The following HIP1 variants were observed in gnomAD, a reference collection of about 807,000 sequenced individuals.
HIP1 encodes the protein huntingtin interacting protein 1, also known as huntingtin-interacting protein 1.
Under a neutral mutation model 147.6 loss-of-function variants are expected in HIP1, and 65 were observed. The observed-to-expected ratio is 0.44, with a 90% confidence interval of 0.36 to 0.54. The LOEUF (loss-of-function observed/expected upper bound fraction) is 0.54, where lower values mean the gene tolerates loss of function less well. HIP1 is among the 20% of genes least tolerant of loss of function. The pLI, the probability that HIP1 is intolerant of heterozygous loss-of-function variation, is 0.00. For synonymous variants in HIP1, 479 were observed against 504.0 expected, an observed-to-expected ratio of 0.95 and a Z score of 0.67; for missense variants, 1,061 against 1,299.6, an observed-to-expected ratio of 0.82 and a Z score of 2.82.
At position 75,568,046 on chromosome 7, in the gene HIP1, C is replaced by T. The variant is rs1408794687; in HGVS notation, c.803+153G>A. Among the ~76,000 whole-genome samples, 2 of 152,008 alleles carry T rather than the reference C, an allele frequency of 1.3e-5. No homozygotes were observed. The highest frequency in any genetic ancestry group is 2.9e-5 in the Non-Finnish European group (2 of 68,000). The stretch of plus-strand genomic sequence containing the variant: ...GCCCAGCCTGGTGTCAAACTCTTGG[C>T]CTCAAGTGATCCTCCCGCCTCAGCC... On this transcript the variant is annotated intron_variant, in intron 9 of 30. Coordinates refer to ENST00000336926, the MANE Select transcript of HIP1 (RefSeq NM_005338.7). The surrounding 1 kb of genome is among the most constrained non-coding windows in gnomAD (Gnocchi z 4.1).
In HIP1 at chr7:75,548,877, C is replaced by T; in HGVS notation, c.2406+14G>A. On this transcript the variant is annotated intron_variant, in intron 23 of 30. Coordinates refer to ENST00000336926, the MANE Select transcript of HIP1 (RefSeq NM_005338.7). ...AAAGGCATCGTTTCAGGAGATCCTG[C>T]AGGAACCTCCTACCTCTATTCTGGC... 6.4e-7 allele frequency: 1 copy of T among 1,572,660 alleles called. No homozygotes were observed. Among genetic ancestry groups the T allele is most frequent in the Non-Finnish European group, 8.8e-7 (1 of 1,142,100 alleles).
rs781882949 is a variant in HIP1, at chr7:75,548,872, T to C, written c.2406+19A>G. The C allele has an allele frequency of 1.9e-6, 3 of 1,557,438 alleles. No homozygotes were observed. The highest frequency in any genetic ancestry group is 3.3e-5 in the Admixed American group (2 of 59,900). On this transcript the variant is annotated intron_variant, in intron 23 of 30. Coordinates refer to ENST00000336926, the MANE Select transcript of HIP1 (RefSeq NM_005338.7). ...GCTGCAAAGGCATCGTTTCAGGAGATCCTGCAGGAACCTCCTACCTCTATT... is the reference window on the plus strand; with the variant it reads ...GCTGCAAAGGCATCGTTTCAGGAGACCCTGCAGGAACCTCCTACCTCTATT...
chr7:75,603,902 A>T (rs782693170), intron 1 of HIP1, among the ~76,000 whole-genome samples: 3 of 151,762 alleles, frequency 2.0e-5, no homozygotes, highest in Non-Finnish European at 4.4e-5. Context: ...AAAAGATGCA[A>T]GTAAGAAGTG....
At chr7:75,602,495 T>G (rs1399049649) in intron 1 of HIP1, among the ~76,000 whole-genome samples, 1 of 20,090 alleles carries the variant, frequency 5.0e-5, no homozygotes, top group Non-Finnish European at 9.1e-5. Flanking sequence ...AGATATGCTC[T>G]TTTTTTTTTT....
At chr7:75,619,466 C>T (rs1797770635) in intron 1 of HIP1, among the ~76,000 whole-genome samples, 1 of 142,446 alleles carries the variant, frequency 7.0e-6, no homozygotes, top group Non-Finnish European at 1.5e-5. Flanking sequence ...GCAGAGGTTG[C>T]AGTGAGCCGA....
intron 18 of HIP1, 77 bp from the exon 19 acceptor site, chr7:75,555,628 C>G (rs184838549): frequency 1.3e-6 from 2 of 1,493,586 alleles, no homozygotes; most frequent in African/African-American, 1.4e-5. Flanking sequence ...GGCTGGGGCT[C>G]TTAGCATCTT....
chr7:75,615,578 TC>T (rs1797626009), intron 1 of HIP1, among the ~76,000 whole-genome samples: 1 of 151,972 alleles, frequency 6.6e-6, no homozygotes, highest in Non-Finnish European at 1.5e-5. Flanking sequence ...GTGGATCTTG[TC>T]CTCAAAGGGA....
In HIP1 at chr7:75,652,340, G is replaced by A. The variant is rs556718900; in HGVS notation, c.121-53093C>T. The stretch of plus-strand genomic sequence containing the variant: ...AAAAAAAAAAAAAAAACCACTATAT[G>A]TATGTTAATTTTTTCATTGTTTTAA... On this transcript the variant is annotated intron_variant, in intron 1 of 30. Coordinates refer to ENST00000336926, the MANE Select transcript of HIP1 (RefSeq NM_005338.7). Among the ~76,000 whole-genome samples, 3 of 150,030 alleles carry A rather than the reference G, an allele frequency of 2.0e-5. No homozygotes were observed. The East Asian group carries it at 5.9e-4, about 29-fold the overall frequency.
chr7:75,645,042 C>G (rs1442002030), intron 1 of HIP1, among the ~76,000 whole-genome samples: 1 of 152,138 alleles, frequency 6.6e-6, no homozygotes, highest in African/African-American at 2.4e-5. Context: ...TTCAGGACAC[C>G]TGAAAGGTGC....
chr7:75,660,982 T>C (rs1452852800), intron 1 of HIP1, among the ~76,000 whole-genome samples: 1 of 151,772 alleles, frequency 6.6e-6, no homozygotes, highest in Non-Finnish European at 1.5e-5. Flanking sequence ...GCAAAAAAAA[T>C]CAAGAGACAC....
At chr7:75,581,204 G>C in intron 7 of HIP1, 33 bp downstream of exon 7, 4 of 1,549,216 alleles carry the variant, frequency 2.6e-6, no homozygotes, top group South Asian at 1.1e-5. Flanking sequence ...GTTCCCATGA[G>C]AGCCTGGGTT....
intron 1 of HIP1, among the ~76,000 whole-genome samples, chr7:75,642,759 A>G (rs1554510648): frequency 6.6e-6 from 1 of 152,094 alleles, no homozygotes; most frequent in African/African-American, 2.4e-5. Context: ...TCCCTGACCC[A>G]TCGGACACAG....
At chr7:75,664,344 A>G (rs1304334700) in intron 1 of HIP1, among the ~76,000 whole-genome samples, 1 of 64,806 alleles carries the variant, frequency 1.5e-5, no homozygotes, top group Non-Finnish European at 2.9e-5. Context: ...ATATGTGTGT[A>G]TGTATACGTA....
chr7:75,729,947 A>G (rs1470548823), intron 1 of HIP1, among the ~76,000 whole-genome samples: 1 of 152,162 alleles, frequency 6.6e-6, no homozygotes, highest in Non-Finnish European at 1.5e-5. Flanking sequence ...GGGTGAGACA[A>G]GTCTCACAGA....
At chr7:75,702,596 G>A (rs1217926057) in intron 1 of HIP1, among the ~76,000 whole-genome samples, 1 of 152,166 alleles carries the variant, frequency 6.6e-6, no homozygotes, top group Non-Finnish European at 1.5e-5. Flanking sequence ...GGCACTGCAG[G>A]TTGCACAAGA....
chr7:75,684,041 G>A (rs1266233567), intron 1 of HIP1, among the ~76,000 whole-genome samples: 2 of 152,126 alleles, frequency 1.3e-5, no homozygotes, highest in African/African-American at 4.8e-5. Context: ...CACTTTGGGA[G>A]GCTGAGGCGG....
At chr7:75,706,736 T>G (rs1801019009) in intron 1 of HIP1, among the ~76,000 whole-genome samples, 1 of 111,452 alleles carries the variant, frequency 9.0e-6, no homozygotes, top group Non-Finnish European at 1.8e-5. Flanking sequence ...CACCCACTAA[T>G]GTGTCATCTA....
In HIP1 at chr7:75,562,935, C is replaced by T. The variant is rs1795280391; in HGVS notation, c.1020G>A (p.Gln340=). The T allele has an allele frequency of 1.2e-6, 2 of 1,614,016 alleles. No homozygotes were observed. The highest frequency in any genetic ancestry group is 2.2e-5 in the East Asian group (1 of 44,900). The part of the protein sequence containing the change: ...DDLMDMDASQ[Q]NLFDNKFDDI... ...AGTTTCTCTCCCAAGTGGTCCTCAC[C>T]TGCTGAGAGGCATCCATGTCCATGA... Residue 340 remains glutamine (Q), a splice_region_variant and synonymous_variant, in exon 11 of 31, where the codon CAG becomes CAA. Coordinates refer to ENST00000336926, the MANE Select transcript of HIP1 (RefSeq NM_005338.7).
At chr7:75,689,587 C>T (rs1363686771) in intron 1 of HIP1, among the ~76,000 whole-genome samples, 1 of 152,122 alleles carries the variant, frequency 6.6e-6, no homozygotes, top group African/African-American at 2.4e-5. Flanking sequence ...AATGTGTGTT[C>T]ATAGATATAC....
Sources: allele counts gnomAD v4.1 joint callset (sites outside exome capture counted in the v4.1 genomes callset), GRCh38; gene constraint gnomAD v4.1.1; non-coding constraint Gnocchi (gnomAD v3.1); transcripts MANE v1.5; gene names NCBI Gene and HGNC (gene_info 2026-07-23, HGNC 2026-07-21).